PROX1: variants seen among roughly 807,000 people sequenced by gnomAD.
The protein encoded by PROX1 is prospero homeobox 1.
A neutral mutation model predicts 58.8 loss-of-function variants in PROX1; 7 were observed. The ratio of observed to expected loss-of-function variants is 0.12; its 90% CI spans 0.07 to 0.22. The LOEUF (loss-of-function observed/expected upper bound fraction) is 0.22, where lower values mean the gene tolerates loss of function less well. Ranked by LOEUF, PROX1 falls within the 10% of genes least tolerant of loss-of-function variation. The pLI is 1.00. For missense variants in PROX1, 675 were observed against 927.8 expected (o/e 0.73, Z 3.54); for synonymous variants, 350 against 358.3 (o/e 0.98, Z 0.26).
intron 2 of PROX1, among the ~76,000 whole-genome samples, chr1:214,003,252 C>G (rs1272607576): frequency 6.6e-6 from 1 of 152,184 alleles, no homozygotes. Context: ...TTTGTGACTT[C>G]CAATTAAATG....
At chr1:213,992,851 C>T (rs969312151) in intron 1 of PROX1, among the ~76,000 whole-genome samples, 31 of 152,184 alleles carry the variant, frequency 2.0e-4, no homozygotes, top group African/African-American at 6.3e-4. Flanking sequence ...GAGCACTTAA[C>T]CACTTTATAC....
chr1:214,012,100 G>A lies in PROX1; in HGVS notation c.2028+385G>A, dbSNP rs115477829. Among the ~76,000 whole-genome samples, 886 of 152,314 alleles carry A rather than the reference G, an allele frequency of 5.8e-3. 3 individuals carry two copies. The highest frequency in any genetic ancestry group is 1.0e-2 in the Non-Finnish European group (677 of 68,032). On this transcript the variant is annotated intron_variant, in intron 4 of 4. Transcript: ENST00000366958. ...CTGAGAGGTCAATGAGCTGATACAT[G>A]CTATGTGCAATGGTAGCTACCAATG...
At chr1:214,016,596 G>A (rs1490112839) in intron 4 of PROX1, among the ~76,000 whole-genome samples, 1 of 152,154 alleles carries the variant, frequency 6.6e-6, no homozygotes, top group Non-Finnish European at 1.5e-5. Flanking sequence ...TCCCACCGTT[G>A]ACAAGCCAAA....
Position 214,011,723 on chromosome 1 carries a change from C to A in PROX1, c.2028+8C>A. On this transcript the variant is annotated splice_region_variant and intron_variant, in intron 4 of 4. Transcript: ENST00000366958. Reference sequence around the variant, plus strand: ...AAAGCAAATGACTTTGAGGTAGGAACTAATCTTTATTTTTTGGTCATCTCC... The same window carrying A: ...AAAGCAAATGACTTTGAGGTAGGAAATAATCTTTATTTTTTGGTCATCTCC... 1.3e-6 allele frequency: 2 copies of A among 1,541,746 alleles called. No homozygotes were observed. Among genetic ancestry groups the A allele is most frequent in the Non-Finnish European group, 1.8e-6 (2 of 1,142,590 alleles).
At chr1:214,019,884 T>A (rs1484412004) in intron 4 of PROX1, among the ~76,000 whole-genome samples, 1 of 152,196 alleles carries the variant, frequency 6.6e-6, no homozygotes, top group Non-Finnish European at 1.5e-5. Context: ...GATCATGTAT[T>A]CATCTTCCTG....
intron 2 of PROX1, among the ~76,000 whole-genome samples, chr1:213,998,502 A>T (rs1216933921): frequency 6.6e-6 from 1 of 152,130 alleles, no homozygotes; most frequent in African/African-American, 2.4e-5. Context: ...AGGAGCTCCT[A>T]TTTAATATGT....
At position 213,997,328 on chromosome 1, in the gene PROX1, G is replaced by A. The variant is rs1261142619; in HGVS notation, c.793G>A (p.Asp265Asn). Reference protein sequence around the residue: ...EKFYQIYDSTDSENDEDGNLS... With the variant: ...EKFYQIYDSTNSENDEDGNLS... ...GTTCTACCAAATCTATGACAGCACT[G>A]ATTCGGAAAATGATGAAGATGGTAA... The change falls in exon 2 of 5, where the codon GAT (aspartate) becomes AAT (asparagine). Residue 265 changes from aspartate to asparagine, a missense_variant. This residue lies in a region of PROX1 where 403 missense variants were observed against 477.4 expected (regional missense o/e 0.84). Coordinates refer to ENST00000366958, the MANE Select transcript of PROX1 (RefSeq NM_001270616.2). The surrounding 1 kb of genome is among the most constrained non-coding windows in gnomAD (Gnocchi z 7.1). 1 of 1,614,102 alleles carries A rather than the reference G, an allele frequency of 6.2e-7. No homozygotes were observed. Among genetic ancestry groups the A allele is most frequent in the Non-Finnish European group, 8.5e-7 (1 of 1,180,026 alleles).
rs568741679 is a variant in PROX1 at position 214,008,310 on chromosome 1, G to A, written c.1833+3038G>A. On this transcript the variant is annotated intron_variant, in intron 3 of 4. Coordinates refer to ENST00000366958, the MANE Select transcript of PROX1 (RefSeq NM_001270616.2). ...CCTCAAATGATCTGCCTGCCTTGGCGTCCCAAAGTGCTGGGATTACAGGCA... is the reference window on the plus strand; with the variant it reads ...CCTCAAATGATCTGCCTGCCTTGGCATCCCAAAGTGCTGGGATTACAGGCA... Among the ~76,000 whole-genome samples, 14 of 151,880 alleles carry A rather than the reference G, an allele frequency of 9.2e-5. No individual in the cohort carries two copies. In the South Asian group the frequency reaches 2.3e-3, roughly 25 times the overall value.
At chr1:214,013,896 T>C (rs866485472) in intron 4 of PROX1, among the ~76,000 whole-genome samples, 3 of 152,172 alleles carry the variant, frequency 2.0e-5, no homozygotes, top group African/African-American at 7.2e-5. Context: ...CTGGATCTGA[T>C]TCCTCCTTCA....
chr1:214,006,039 T>C (rs1248904385), intron 3 of PROX1, among the ~76,000 whole-genome samples: 2 of 152,148 alleles, frequency 1.3e-5, no homozygotes, highest in African/African-American at 4.8e-5. Context: ...TCTGTAACTT[T>C]TTAAAACATA....
chr1:213,993,753 C>T (rs1014417861), intron 1 of PROX1, among the ~76,000 whole-genome samples: 2 of 152,080 alleles, frequency 1.3e-5, no homozygotes, highest in African/African-American at 2.4e-5. Context: ...TAATATAATG[C>T]CTTGTCCTGG....
At chr1:214,021,830 C>T (rs986675511) in intron 4 of PROX1, among the ~76,000 whole-genome samples, 22 of 152,200 alleles carry the variant, frequency 1.4e-4, no homozygotes, top group African/African-American at 5.1e-4. Flanking sequence ...AGGACATACC[C>T]AGCCAAATAG....
At chr1:213,984,830 A>T (rs1260488639), upstream of PROX1, 1 of 152,608 alleles carries the variant, frequency 6.6e-6, no homozygotes, top group Non-Finnish European at 1.5e-5. Flanking sequence ...TCTCAACTGA[A>T]TCTGGTTGTA....
chr1:213,993,156 A>G (rs1317718179), intron 1 of PROX1, among the ~76,000 whole-genome samples: 1 of 151,934 alleles, frequency 6.6e-6, no homozygotes, highest in East Asian at 1.9e-4. Context: ...ATGATGAAAA[A>G]CTCTATATAG....
At chr1:214,002,063 T>A (rs1663535283) in intron 2 of PROX1, among the ~76,000 whole-genome samples, 1 of 152,308 alleles carries the variant, frequency 6.6e-6, no homozygotes, top group East Asian at 1.9e-4. Context: ...AGGTTTCAAA[T>A]GTTTTGGAAA....
intron 4 of PROX1, among the ~76,000 whole-genome samples, chr1:214,015,721 A>AT (rs1664071182): frequency 6.6e-6 from 1 of 152,228 alleles, no homozygotes; most frequent in Non-Finnish European, 1.5e-5. Flanking sequence ...AGAATCATCC[A>AT]AAGGTTGGAG....
intron 2 of PROX1, among the ~76,000 whole-genome samples, chr1:214,004,234 G>A (rs1663628281): frequency 6.6e-6 from 1 of 152,210 alleles, no homozygotes; most frequent in South Asian, 2.1e-4. Context: ...GTCTGCTGAG[G>A]AGTGCCAAGA....
intron 2 of PROX1, among the ~76,000 whole-genome samples, chr1:214,004,196 G>A (rs1663626585): frequency 6.6e-6 from 1 of 152,234 alleles, no homozygotes. Flanking sequence ...CTGCGGCACA[G>A]ATGTGACCAG....
At position 213,996,960 on chromosome 1, in the gene PROX1, C is replaced by T; in HGVS notation, c.425C>T (p.Ser142Phe). The T allele has an allele frequency of 1.2e-6, 2 of 1,614,068 alleles. No homozygotes were observed. The highest frequency in any genetic ancestry group is 1.7e-6 in the Non-Finnish European group (2 of 1,180,030). ...AGAGACAGCCCCCCAGAGTGTCTTT[C>T]CCCTTTTGGCAGGCCTACTATGAGC... Reference protein sequence around the residue: ...SSRDSPPECLSPFGRPTMSQF... With the variant: ...SSRDSPPECLFPFGRPTMSQF... Residue 142 changes from serine (S) to phenylalanine (F), a missense_variant, in exon 2 of 5, where the codon TCC becomes TTC. By Grantham distance (155) the Ser-to-Phe change is radical. Transcript: ENST00000366958.
Sources: gnomAD v4.1 joint callset for allele counts (sites outside exome capture counted in the v4.1 genomes callset) on GRCh38, gnomAD v4.1.1 for gene constraint, gnomAD v4.1.1 regional missense constraint, Gnocchi (gnomAD v3.1) non-coding constraint, MANE v1.5 for transcripts, NCBI Gene and HGNC (gene_info 2026-07-23, HGNC 2026-07-21) for gene names.